Variants in GABRB2 observed in about 807,000 individuals in gnomAD.
The protein encoded by GABRB2 is gamma-aminobutyric acid receptor subunit beta-2.
Under a neutral mutation model 54.7 loss-of-function variants are expected in GABRB2, and 16 were observed. The observed-to-expected ratio is 0.29, with a 90% CI of 0.20 to 0.44. The LOEUF (loss-of-function observed/expected upper bound fraction) is 0.44. Ranked by LOEUF, GABRB2 falls within the 20% of genes least tolerant of loss-of-function variation. The probability of loss-of-function intolerance (pLI) is 1.00; values close to 1 mark genes in which losing one functional copy is unlikely to be tolerated. For missense variants in GABRB2, 355 were observed against 644.0 expected, an observed-to-expected ratio of 0.55 and a Z score of 4.86; for synonymous variants, 244 against 233.8, an observed-to-expected ratio of 1.04 and a Z score of -0.40.
intron 5 of GABRB2, among the ~76,000 whole-genome samples, chr5:161,373,997 G>A (rs925779334): frequency 1.3e-5 from 2 of 152,250 alleles, no homozygotes; most frequent in Admixed American, 6.5e-5. Flanking sequence ...AGGCTGGAGT[G>A]CAGTGGCACG....
intron 5 of GABRB2, among the ~76,000 whole-genome samples, chr5:161,378,694 A>G (rs777607673): frequency 1.2e-4 from 18 of 152,320 alleles, no homozygotes; most frequent in Admixed American, 8.5e-4. Context: ...TAAAAATAAC[A>G]TTTAATATAT....
chr5:161,304,032 A>G (rs1476155487), intron 9 of GABRB2, among the ~76,000 whole-genome samples: 1 of 152,166 alleles, frequency 6.6e-6, no homozygotes, highest in Non-Finnish European at 1.5e-5. Flanking sequence ...TATTCCAAAC[A>G]ATACTTACTA....
intron 4 of GABRB2, among the ~76,000 whole-genome samples, chr5:161,436,358 C>G: frequency 6.6e-6 from 1 of 151,958 alleles, no homozygotes; most frequent in East Asian, 1.9e-4. Context: ...TAGTGAAACC[C>G]CATCTCTACT....
intron 9 of GABRB2, among the ~76,000 whole-genome samples, chr5:161,313,003 A>T (rs1393303087): frequency 6.6e-6 from 1 of 152,202 alleles, no homozygotes; most frequent in Non-Finnish European, 1.5e-5. Flanking sequence ...GGGTAGGAGA[A>T]GGGATAGAAC....
At chr5:161,409,791 G>T (rs1756454407) in intron 5 of GABRB2, among the ~76,000 whole-genome samples, 1 of 152,116 alleles carries the variant, frequency 6.6e-6, no homozygotes. Context: ...AAAGCAACAT[G>T]CAATGCTATC....
intron 3 of GABRB2, among the ~76,000 whole-genome samples, chr5:161,535,650 C>A (rs114650659): frequency 0.012 from 1,851 of 152,288 alleles, 42 homozygotes; most frequent in African/African-American, 0.043. Flanking sequence ...TTTAAATAGG[C>A]TAATAGTGGC....
chr5:161,503,573 T>C (rs1360495861), intron 3 of GABRB2, among the ~76,000 whole-genome samples: 3 of 152,040 alleles, frequency 2.0e-5, no homozygotes, highest in Non-Finnish European at 4.4e-5. Flanking sequence ...CCGGGCATGG[T>C]GGTGCATGCC....
chr5:161,294,443 A>G lies in GABRB2; in HGVS notation c.1192-15T>C, dbSNP rs764051200. The G allele has an allele frequency of 6.2e-7, 1 of 1,601,726 alleles. No homozygotes were observed. The highest frequency in any genetic ancestry group is 1.7e-5 in the Admixed American group (1 of 59,480). On this transcript the variant is annotated splice_polypyrimidine_tract_variant and intron_variant, in intron 9 of 9. Coordinates refer to ENST00000393959, the MANE Select transcript of GABRB2 (RefSeq NM_001371727.1). ...TGGGGGTCCATCTGCAAGGGAAGAG[A>G]ATCAAAAAGACAATCAGAACAATGA...
At chr5:161,377,190 TTA>T (rs1397943145) in intron 5 of GABRB2, among the ~76,000 whole-genome samples, 1 of 152,124 alleles carries the variant, frequency 6.6e-6, no homozygotes, top group Non-Finnish European at 1.5e-5. Context: ...TAAACATCAC[TTA>T]ATGAGTTTTG....
intron 5 of GABRB2, 83 bp from the exon 6 acceptor site, chr5:161,336,852 G>A: frequency 1.4e-6 from 2 of 1,408,736 alleles, no homozygotes; most frequent in East Asian, 2.3e-5. Flanking sequence ...AAAAATACCT[G>A]TTTAGAAGAT....
intron 4 of GABRB2, among the ~76,000 whole-genome samples, chr5:161,444,924 A>G (rs149354411): frequency 6.6e-6 from 1 of 152,322 alleles, no homozygotes; most frequent in Non-Finnish European, 1.5e-5. Flanking sequence ...ATTCATTGAC[A>G]GACAGAGTAA....
chr5:161,353,943 C>A (rs1355031816), intron 5 of GABRB2, among the ~76,000 whole-genome samples: 1 of 151,948 alleles, frequency 6.6e-6, no homozygotes, highest in African/African-American at 2.4e-5. Context: ...TTTTCAGATC[C>A]AAGGGGCAGT....
At chr5:161,319,139 T>TAA (rs751223327) in intron 9 of GABRB2, among the ~76,000 whole-genome samples, 4,905 of 148,438 alleles carry the variant, frequency 0.033, 292 homozygotes, top group African/African-American at 0.11. Flanking sequence ...TTTTTTTTTT[T>TAA]AAATAAACAA....
At chr5:161,429,345 CAA>C (rs770848428) in intron 4 of GABRB2, among the ~76,000 whole-genome samples, 1 of 31,412 alleles carries the variant, frequency 3.2e-5, no homozygotes, top group Non-Finnish European at 5.2e-5. Flanking sequence ...GAATCCGTCT[CAA>C]AAAAAAAAAA....
At chr5:161,417,187 A>T (rs1005012551) in intron 4 of GABRB2, among the ~76,000 whole-genome samples, 1 of 152,184 alleles carries the variant, frequency 6.6e-6, no homozygotes, top group African/African-American at 2.4e-5. Flanking sequence ...TTCCCTTATA[A>T]TATGCTCTTA....
At chr5:161,393,439 T>G (rs1324810368) in intron 5 of GABRB2, among the ~76,000 whole-genome samples, 2 of 150,292 alleles carry the variant, frequency 1.3e-5, no homozygotes, top group African/African-American at 2.4e-5. Flanking sequence ...GGTCTTAACA[T>G]TCTCATCCAA....
chr5:161,385,237 A>G (rs772838865), intron 5 of GABRB2, among the ~76,000 whole-genome samples: 1 of 152,150 alleles, frequency 6.6e-6, no homozygotes, highest in African/African-American at 2.4e-5. Flanking sequence ...GCATCTCTAC[A>G]TACTCTGCAC....
chr5:161,490,960 G>A (rs966348659), intron 3 of GABRB2, among the ~76,000 whole-genome samples: 4 of 151,604 alleles, frequency 2.6e-5, no homozygotes, highest in African/African-American at 9.7e-5. Context: ...TACTGTTCTG[G>A]GAGGGTTCTT....
At chr5:161,333,252 G>A (rs1269926743) in intron 7 of GABRB2, among the ~76,000 whole-genome samples, 3 of 152,122 alleles carry the variant, frequency 2.0e-5, no homozygotes, top group Non-Finnish European at 2.9e-5. Flanking sequence ...AATGTTTACT[G>A]AGCACCATTC....
Sources: allele counts gnomAD v4.1 joint callset (sites outside exome capture counted in the v4.1 genomes callset), GRCh38; gene constraint gnomAD v4.1.1; transcripts MANE v1.5; gene names NCBI Gene and HGNC (gene_info 2026-07-23, HGNC 2026-07-21).